Variants in MIAT observed in about 807,000 individuals in gnomAD.
MIAT encodes myocardial infarction associated transcript.
chr22:26,651,543 C>T (rs1012349862), intron 2 of MIAT, among the ~76,000 whole-genome samples: 12 of 152,160 alleles, frequency 7.9e-5, no homozygotes, highest in Admixed American at 2.6e-4. Context: ...CAGAGAGGTA[C>T]GTACCCAAAA....
exon 5 of MIAT, chr22:26,674,992 A>G (rs1190896198): frequency 5.0e-6 from 2 of 398,616 alleles, no homozygotes; most frequent in Admixed American, 8.8e-5. Flanking sequence ...CTGTGGGAGC[A>G]CCAAGGAGAC....
At chr22:26,652,139 A>G (rs1224583879) in intron 2 of MIAT, among the ~76,000 whole-genome samples, 1 of 152,106 alleles carries the variant, frequency 6.6e-6, no homozygotes, top group Admixed American at 6.5e-5. Context: ...GACCACAGGC[A>G]CACACTACCA....
chr22:26,649,694 C>T (rs998304499), intron 2 of MIAT, among the ~76,000 whole-genome samples: 2 of 152,216 alleles, frequency 1.3e-5, no homozygotes, highest in African/African-American at 4.8e-5. Context: ...GCGGGTGGAT[C>T]ACGAGGTCAA....
At chr22:26,670,261 A>G (rs1373747838), downstream of MIAT, 1 of 398,316 alleles carries the variant, frequency 2.5e-6, no homozygotes, top group Non-Finnish European at 4.4e-6. Flanking sequence ...CTGAGCACCT[A>G]CTTTGGGCCC....
exon 5 of MIAT, chr22:26,667,285 C>G: frequency 2.5e-6 from 1 of 398,168 alleles, no homozygotes; most frequent in Non-Finnish European, 4.4e-6. Context: ...TGTCAGAACA[C>G]GCTTTATTAC....
chr22:26,652,238 C>T (rs1044785024), intron 2 of MIAT, among the ~76,000 whole-genome samples: 3 of 152,182 alleles, frequency 2.0e-5, no homozygotes, highest in African/African-American at 7.2e-5. Flanking sequence ...TCTTGAGTTC[C>T]TGGACTCAAG....
intron 2 of MIAT, among the ~76,000 whole-genome samples, chr22:26,655,023 A>T (rs568406459): frequency 2.0e-5 from 3 of 152,312 alleles, no homozygotes; most frequent in South Asian, 2.1e-4. Context: ...AAACATTTTT[A>T]AAAAAGGACT....
At chr22:26,664,468 G>A (rs76636360) in intron 3 of MIAT, among the ~76,000 whole-genome samples, 4 of 152,122 alleles carry the variant, frequency 2.6e-5, no homozygotes, top group East Asian at 3.9e-4. Context: ...GGAACAGTTC[G>A]GTTACCCCAG....
downstream of MIAT, chr22:26,669,748 C>T (rs1019533514): frequency 3.3e-5 from 13 of 398,874 alleles, 1 homozygote; most frequent in Admixed American, 3.1e-4. Flanking sequence ...GAAGCAGACA[C>T]GGAGAGTGGC....
exon 6 of MIAT, chr22:26,668,965 T>C: frequency 5.0e-6 from 2 of 398,572 alleles, no homozygotes; most frequent in Non-Finnish European, 8.8e-6. Context: ...GGCCCTGGGT[T>C]TTTTTTCCTG....
exon 5 of MIAT, chr22:26,674,954 G>A (rs1931205042): frequency 2.5e-6 from 1 of 398,676 alleles, no homozygotes; most frequent in Non-Finnish European, 4.4e-6. Context: ...GTGATTCAGT[G>A]AGATGGGTGT....
chr22:26,648,205 G>T (rs1026524569), intron 2 of MIAT, among the ~76,000 whole-genome samples: 1 of 152,182 alleles, frequency 6.6e-6, no homozygotes, highest in Non-Finnish European at 1.5e-5. Context: ...ACCTGCTGGG[G>T]CGACTGGGAG....
exon 1 of MIAT, chr22:26,646,472 C>T (rs2145995134): frequency 5.0e-6 from 2 of 399,098 alleles, no homozygotes; most frequent in East Asian, 7.1e-5. Flanking sequence ...GAGGACTGTA[C>T]AGGGGTTGCT....
downstream of MIAT, chr22:26,672,133 CTGTG>C (rs1931069849): frequency 5.0e-6 from 2 of 399,788 alleles, no homozygotes; most frequent in Non-Finnish European, 8.8e-6. Flanking sequence ...TTAGCGACTC[CTGTG>C]TGTGTCTGCT....
rs549246850 is a variant in MIAT, at chr22:26,665,717, G to A, written n.916G>A. 6.5e-4 allele frequency: 259 copies of A among 398,618 alleles called. 1 individual carries two copies. Among genetic ancestry groups the A allele is most frequent in the African/African-American group, 4.9e-3 (241 of 48,736 alleles). The allele number at this position is 398,618 out of a possible 1,614,324, so 24.7% of individuals were successfully genotyped here. A position where few individuals can be genotyped will look rare whatever the true frequency, so the allele number is the denominator to read the frequency against. On this transcript the variant is annotated non_coding_transcript_exon_variant, in exon 4 of 6. Transcript: ENST00000643270. ...ATCCTAGAATGCCAAAGTGGGAGGGGAAATGGGTGATGTAGCTCATTCTCT... is the reference window on the plus strand; with the variant it reads ...ATCCTAGAATGCCAAAGTGGGAGGGAAAATGGGTGATGTAGCTCATTCTCT...
At chr22:26,670,743 C>T (rs115247977), downstream of MIAT, 571 of 398,326 alleles carry the variant, frequency 1.4e-3, 2 homozygotes, top group African/African-American at 0.011. Flanking sequence ...TGAAGTGTTC[C>T]TTGACTTTTA....
downstream of MIAT, chr22:26,672,928 GA>G (rs1931107109): frequency 5.0e-6 from 2 of 398,524 alleles, no homozygotes; most frequent in Admixed American, 8.8e-5. Flanking sequence ...TCCCACACAG[GA>G]AGTCAGCTAG....
At chr22:26,658,878 A>C (rs1463649572) in intron 2 of MIAT, among the ~76,000 whole-genome samples, 1 of 152,218 alleles carries the variant, frequency 6.6e-6, no homozygotes, top group Non-Finnish European at 1.5e-5. Flanking sequence ...ACTCAAAGCA[A>C]AACACTTGCT....
At chr22:26,647,074 C>T (rs1264029974) in intron 1 of MIAT, 2 of 397,926 alleles carry the variant, frequency 5.0e-6, no homozygotes, top group Non-Finnish European at 8.8e-6. Flanking sequence ...CAGCTGGGGT[C>T]CCTGGAGACC....
Sources: allele counts gnomAD v4.1 joint callset (sites outside exome capture counted in the v4.1 genomes callset), GRCh38; gene constraint gnomAD v4.1.1; transcripts MANE v1.5; gene names NCBI Gene and HGNC (gene_info 2026-07-23, HGNC 2026-07-21).